Variants in HECW2 observed in about 807,000 individuals in gnomAD.
The protein encoded by HECW2 is E3 ubiquitin-protein ligase HECW2.
A neutral mutation model predicts 175.2 loss-of-function variants in HECW2; 61 were observed. The observed-to-expected ratio is 0.35, with a 90% confidence interval of 0.28 to 0.43. HECW2 has a LOEUF of 0.43. Among genes scored for constraint, HECW2 ranks in the 20% least tolerant of loss-of-function variants. The pLI is 1.00. For missense variants in HECW2, 1,524 were observed against 2,000.5 expected (o/e 0.76, Z 4.54); for synonymous variants, 671 against 731.0 (o/e 0.92, Z 1.32).
At chr2:196,425,967 A>T (rs930541573) in intron 2 of HECW2, among the ~76,000 whole-genome samples, 2 of 152,114 alleles carry the variant, frequency 1.3e-5, no homozygotes, top group African/African-American at 2.4e-5. Flanking sequence ...AAACTTCACT[A>T]CTGTCTTATT....
intron 1 of HECW2, among the ~76,000 whole-genome samples, chr2:196,508,733 C>T (rs1443479777): frequency 6.6e-6 from 1 of 152,162 alleles, no homozygotes; most frequent in Non-Finnish European, 1.5e-5. Flanking sequence ...GGGATGAGCA[C>T]CCCCATTCCT....
chr2:196,429,249 C>G (rs1056041218), intron 2 of HECW2, among the ~76,000 whole-genome samples: 4 of 149,642 alleles, frequency 2.7e-5, no homozygotes, highest in Middle Eastern at 3.5e-3. Context: ...CTGGGGGGGG[C>G]CTACCTGCCC....
intron 2 of HECW2, among the ~76,000 whole-genome samples, chr2:196,429,448 AGTTCTTTGGAAAT>A (rs1695644223): frequency 6.6e-6 from 1 of 152,212 alleles, no homozygotes; most frequent in African/African-American, 2.4e-5. Flanking sequence ...AATTTTATTC[AGTTCTTTGGAAAT>A]GGCTAGAGGG....
chr2:196,321,419 G>A (rs184564511), intron 7 of HECW2, among the ~76,000 whole-genome samples: 3 of 129,488 alleles, frequency 2.3e-5, no homozygotes, highest in Admixed American at 9.1e-5. Flanking sequence ...ACAGAGTCTC[G>A]CTCTGTTGCC....
intron 2 of HECW2, among the ~76,000 whole-genome samples, chr2:196,353,100 G>T (rs959237618): frequency 6.6e-6 from 1 of 151,406 alleles, no homozygotes; most frequent in East Asian, 1.9e-4. Context: ...TACTTTCCCC[G>T]CCTCGCTCCT....
intron 1 of HECW2, among the ~76,000 whole-genome samples, chr2:196,465,135 ACT>A (rs1224936493): frequency 6.6e-6 from 1 of 152,188 alleles, no homozygotes; most frequent in Non-Finnish European, 1.5e-5. Flanking sequence ...AGAATGAACA[ACT>A]CAAAGCATAG....
At chr2:196,585,762 A>G (rs550114674) in intron 1 of HECW2, among the ~76,000 whole-genome samples, 6 of 152,202 alleles carry the variant, frequency 3.9e-5, no homozygotes, top group Non-Finnish European at 5.9e-5. Flanking sequence ...CAATACCACT[A>G]TAAGACCAGA....
At chr2:196,367,471 A>G (rs2105895621) in intron 2 of HECW2, among the ~76,000 whole-genome samples, 1 of 152,314 alleles carries the variant, frequency 6.6e-6, no homozygotes, top group Middle Eastern at 3.4e-3. Flanking sequence ...TCAAGCATTT[A>G]TCCTTTCTTT....
At chr2:196,219,379 C>G (rs1687585982) in intron 26 of HECW2, among the ~76,000 whole-genome samples, 1 of 152,210 alleles carries the variant, frequency 6.6e-6, no homozygotes, top group South Asian at 2.1e-4. Context: ...GTTTAACACT[C>G]AAATTTCAAT....
At chr2:196,239,050 T>C (rs1481712464) in intron 21 of HECW2, 1 of 152,242 alleles carries the variant, frequency 6.6e-6, no homozygotes, top group Non-Finnish European at 1.5e-5. Context: ...TGGAATCTCA[T>C]GCATACTGGT....
In HECW2 at chr2:196,195,546, G is replaced by T. The variant is rs1280299467; in HGVS notation, c.*5731C>A. On this transcript the variant is annotated 3_prime_UTR_variant, in exon 29 of 29. Transcript: ENST00000644978. Reference sequence around the variant, plus strand: ...TATTTCCGGTCTTGATTAACTTCCTGACTTGGAAACACTAATTTAGTCTCC... The same window carrying T: ...TATTTCCGGTCTTGATTAACTTCCTTACTTGGAAACACTAATTTAGTCTCC... 6.6e-6 allele frequency: 1 copy of T among 152,146 alleles called. No individual in the cohort carries two copies. The highest frequency in any genetic ancestry group is 1.5e-5 in the Non-Finnish European group (1 of 68,018). The allele number at this position is 152,146 out of a possible 1,614,324, so 9.4% of individuals were successfully genotyped here. A position where few individuals can be genotyped will look rare whatever the true frequency, so the allele number is the denominator to read the frequency against.
At chr2:196,574,893 C>T (rs1433633209) in intron 1 of HECW2, among the ~76,000 whole-genome samples, 1 of 152,028 alleles carries the variant, frequency 6.6e-6, no homozygotes. Flanking sequence ...GTCATCTGAT[C>T]TTTGACAAGA....
rs191058485 is a variant in HECW2 at position 196,235,555 on chromosome 2, T to C, written c.3764+4894A>G. On this transcript the variant is annotated intron_variant, in intron 21 of 28. Transcript: ENST00000644978. ...TATTCTATTTTAGGAACAATTTATATATCATGTTTCAGATGTATGCAAATA... is the reference window on the plus strand; with the variant it reads ...TATTCTATTTTAGGAACAATTTATACATCATGTTTCAGATGTATGCAAATA... 3.8e-3 allele frequency among the ~76,000 whole-genome samples: 576 copies of C among 152,126 alleles called. 1 individual carries two copies. Among genetic ancestry groups the C allele is most frequent in the African/African-American group, 0.012 (518 of 41,512 alleles).
intron 2 of HECW2, among the ~76,000 whole-genome samples, chr2:196,422,746 TA>T (rs1409403722): frequency 6.6e-6 from 1 of 152,152 alleles, no homozygotes; most frequent in Non-Finnish European, 1.5e-5. Context: ...AAGAGCATTT[TA>T]AAATTTTAAA....
At chr2:196,418,525 G>A (rs930831535) in intron 2 of HECW2, among the ~76,000 whole-genome samples, 5 of 152,080 alleles carry the variant, frequency 3.3e-5, no homozygotes, top group African/African-American at 1.2e-4. Context: ...ACATATTTCA[G>A]AGTGTCAAAA....
rs556458976 is a variant in HECW2 at position 196,277,211 on chromosome 2, G to T, written c.3135+1317C>A. On this transcript the variant is annotated intron_variant, in intron 15 of 28. Coordinates refer to ENST00000644978, the MANE Select transcript of HECW2 (RefSeq NM_001348768.2). ...CTTTTTTTTGGTTAGGATATTAGAG[G>T]GCCCTCGTGTGGTTACCATTGGTCC... is the stretch of plus-strand genomic sequence containing the variant. 7.9e-5 allele frequency among the ~76,000 whole-genome samples: 12 copies of T among 152,186 alleles called. No homozygotes were observed. In the South Asian group the frequency reaches 1.5e-3, roughly 18 times the overall value.
chr2:196,501,478 T>A (rs995581927), intron 1 of HECW2, among the ~76,000 whole-genome samples: 1 of 152,124 alleles, frequency 6.6e-6, no homozygotes, highest in African/African-American at 2.4e-5. Context: ...CTCAAACTCC[T>A]GACCTCAAGT....
intron 1 of HECW2, among the ~76,000 whole-genome samples, chr2:196,542,284 A>G (rs538318883): frequency 5.8e-4 from 86 of 149,236 alleles, no homozygotes; most frequent in Non-Finnish European, 1.1e-3. Context: ...AAAAAAAAAG[A>G]CAAAGGCACA....
chr2:196,410,939 G>T (rs1695092474), intron 2 of HECW2, among the ~76,000 whole-genome samples: 1 of 152,130 alleles, frequency 6.6e-6, no homozygotes, highest in African/African-American at 2.4e-5. Flanking sequence ...GATACATGCA[G>T]ATTCTGAGAT....
Sources: allele counts gnomAD v4.1 joint callset (sites outside exome capture counted in the v4.1 genomes callset), GRCh38; gene constraint gnomAD v4.1.1; transcripts MANE v1.5; gene names NCBI Gene and HGNC (gene_info 2026-07-23, HGNC 2026-07-21).